Variants in PCDHAC1 observed in about 807,000 individuals in gnomAD.
PCDHAC1 encodes protocadherin alpha subfamily C, 1.
PCDHAC1 carries 42 observed loss-of-function variants against 60.0 expected under a neutral mutation model. That is an observed-to-expected ratio of 0.70 (90% confidence interval 0.55 to 0.90). The LOEUF (loss-of-function observed/expected upper bound fraction) is 0.90, where lower values mean the gene tolerates loss of function less well. PCDHAC1 is among the 40% of genes least tolerant of loss of function. The pLI is 0.00. For synonymous variants in PCDHAC1, 468 were observed against 499.3 expected (o/e 0.94, Z 0.84); for missense variants, 1,160 against 1,222.3 (o/e 0.95, Z 0.76).
At chr5:140,993,569 A>G (rs1311165766) in intron 3 of PCDHAC1, among the ~76,000 whole-genome samples, 1 of 151,734 alleles carries the variant, frequency 6.6e-6, no homozygotes, top group East Asian at 1.9e-4. Flanking sequence ...TATCCTTTCT[A>G]GGGATGCTTT....
rs552604909 is a variant in PCDHAC1, at chr5:141,005,474, C to T, written c.2582-4153C>T. ...ATCCCAGCACTTTGGGAGGCCGAGACGGGCGGATCATGAGGTCAGGAGATC... is the reference window on the plus strand; with the variant it reads ...ATCCCAGCACTTTGGGAGGCCGAGATGGGCGGATCATGAGGTCAGGAGATC... On this transcript the variant is annotated intron_variant, in intron 3 of 3. Coordinates refer to ENST00000253807, the MANE Select transcript of PCDHAC1 (RefSeq NM_018898.5). 1.6e-3 allele frequency among the ~76,000 whole-genome samples: 236 copies of T among 151,848 alleles called. 1 individual carries two copies. The highest frequency in any genetic ancestry group is 4.9e-3 in the African/African-American group (204 of 41,424).
At chr5:140,966,593 A>G in intron 1 of PCDHAC1, 1 of 595,648 alleles carries the variant, frequency 1.7e-6, no homozygotes, top group Non-Finnish European at 2.6e-6. Context: ...CGGTGGGGCC[A>G]GGAGCCCTTG....
chr5:140,988,642 T>C (rs981488031), intron 3 of PCDHAC1, among the ~76,000 whole-genome samples: 22 of 152,212 alleles, frequency 1.4e-4, no homozygotes, highest in African/African-American at 5.3e-4. Context: ...TTTCTGAAAT[T>C]AAACATTTTT....
chr5:140,982,584 C>T (rs1554244599), intron 3 of PCDHAC1, 21 bp downstream of exon 3: 1 of 1,612,032 alleles, frequency 6.2e-7, no homozygotes, highest in East Asian at 2.2e-5. Flanking sequence ...GGGGTCTCTC[C>T]ATTCTTTCTT....
chr5:140,958,617 A>C (rs2095434462), intron 1 of PCDHAC1, among the ~76,000 whole-genome samples: 1 of 152,204 alleles, frequency 6.6e-6, no homozygotes, highest in Admixed American at 6.5e-5. Flanking sequence ...ATACTAGTCC[A>C]GCTTGAGAGT....
chr5:140,993,530 AG>A (rs2097570679), intron 3 of PCDHAC1, among the ~76,000 whole-genome samples: 7 of 152,044 alleles, frequency 4.6e-5, no homozygotes, highest in African/African-American at 1.7e-4. Context: ...AGACAGAGAG[AG>A]AGAGAGATAG....
At chr5:140,988,634 T>G (rs1405160822) in intron 3 of PCDHAC1, among the ~76,000 whole-genome samples, 1 of 152,218 alleles carries the variant, frequency 6.6e-6, no homozygotes, top group Non-Finnish European at 1.5e-5. Flanking sequence ...GTCCTGGTTT[T>G]CTGAAATTAA....
At chr5:140,991,648 A>G (rs2097463830) in intron 3 of PCDHAC1, among the ~76,000 whole-genome samples, 1 of 152,192 alleles carries the variant, frequency 6.6e-6, no homozygotes, top group Non-Finnish European at 1.5e-5. Context: ...GTTCATGACA[A>G]TTTAGGTTTG....
chr5:140,956,137 A>C (rs374405911), intron 1 of PCDHAC1, among the ~76,000 whole-genome samples: 1 of 152,114 alleles, frequency 6.6e-6, no homozygotes. Flanking sequence ...AATACCCTTT[A>C]TTTCTTTCTC....
chr5:140,963,454 T>G (rs1299471186), intron 1 of PCDHAC1, among the ~76,000 whole-genome samples: 2 of 152,242 alleles, frequency 1.3e-5, no homozygotes, highest in African/African-American at 4.8e-5. Context: ...TGCTAAAGTA[T>G]TTCTGTGTTT....
intron 2 of PCDHAC1, 148 bp from the exon 3 acceptor site, chr5:140,982,327 C>A: frequency 7.0e-7 from 1 of 1,419,146 alleles, no homozygotes; most frequent in South Asian, 1.4e-5. Context: ...AGGGTGACTG[C>A]TCAGCAGTAA....
chr5:140,956,921 G>T (rs2095321008), intron 1 of PCDHAC1, among the ~76,000 whole-genome samples: 1 of 151,968 alleles, frequency 6.6e-6, no homozygotes, highest in Admixed American at 6.6e-5. Context: ...CTTTAATCTT[G>T]CTGGATATAG....
At chr5:140,948,489 T>C (rs547481990) in intron 1 of PCDHAC1, among the ~76,000 whole-genome samples, 6 of 151,790 alleles carry the variant, frequency 4.0e-5, no homozygotes, top group Admixed American at 3.3e-4. Context: ...TTCAATTTCT[T>C]TCATAGACTT....
At position 140,988,717 on chromosome 5, in the gene PCDHAC1, T is replaced by C. The variant is rs79402139; in HGVS notation, c.2581+6154T>C. Among the ~76,000 whole-genome samples, 1,208 of 152,334 alleles carry C rather than the reference T, an allele frequency of 7.9e-3. 20 individuals carry two copies. Among genetic ancestry groups the C allele is most frequent in the African/African-American group, 0.027 (1,139 of 41,566 alleles). On this transcript the variant is annotated intron_variant, in intron 3 of 3. Transcript: ENST00000253807. ...CTCTGTATTTTCTTGGACCTCTCATTTGCCCCATAGTAATTATTCTAGGAT... is the reference window on the plus strand; with the variant it reads ...CTCTGTATTTTCTTGGACCTCTCATCTGCCCCATAGTAATTATTCTAGGAT...
chr5:140,998,497 G>A (rs1367409428), intron 3 of PCDHAC1, among the ~76,000 whole-genome samples: 2 of 152,090 alleles, frequency 1.3e-5, no homozygotes, highest in East Asian at 3.8e-4. Flanking sequence ...TTTGAGAACA[G>A]GGTACTTGTC....
chr5:140,968,966 T>C (rs781901506), intron 1 of PCDHAC1: 1 of 1,614,216 alleles, frequency 6.2e-7, no homozygotes, highest in East Asian at 2.2e-5. Context: ...GTGCTACCGC[T>C]ACACTGCGTA....
chr5:140,958,997 A>C (rs1356032687), intron 1 of PCDHAC1, among the ~76,000 whole-genome samples: 1 of 152,076 alleles, frequency 6.6e-6, no homozygotes, highest in African/African-American at 2.4e-5. Context: ...CTAATCTTTT[A>C]CTGTACCTAA....
chr5:140,977,433 A>G (rs939711301), intron 1 of PCDHAC1, among the ~76,000 whole-genome samples: 6 of 152,218 alleles, frequency 3.9e-5, no homozygotes, highest in Non-Finnish European at 7.3e-5. Flanking sequence ...TAACACCGCT[A>G]GTAGATAATG....
At chr5:141,001,289 TGAGGCCCA>T (rs1387793441) in intron 3 of PCDHAC1, among the ~76,000 whole-genome samples, 1 of 152,150 alleles carries the variant, frequency 6.6e-6, no homozygotes, top group Non-Finnish European at 1.5e-5. Context: ...GGATGAAAAC[TGAGGCCCA>T]GAGATATGAA....
Sources: allele counts gnomAD v4.1 joint callset (sites outside exome capture counted in the v4.1 genomes callset), GRCh38; gene constraint gnomAD v4.1.1; transcripts MANE v1.5; gene names NCBI Gene and HGNC (gene_info 2026-07-23, HGNC 2026-07-21).